Variants in FSD1L observed in about 807,000 individuals in gnomAD.
The protein encoded by FSD1L is fibronectin type III and SPRY domain containing 1 like.
In FSD1L, 45 loss-of-function variants were observed where a neutral mutation model predicts 71.6. That is an observed-to-expected ratio of 0.63 (90% CI 0.49 to 0.81). FSD1L has a LOEUF of 0.81. Among genes scored for constraint, FSD1L ranks in the 30% least tolerant of loss-of-function variants. The pLI is 0.00. For synonymous variants in FSD1L, 197 were observed against 207.2 expected, an observed-to-expected ratio of 0.95 and a Z score of 0.42; for missense variants, 561 against 618.1, an observed-to-expected ratio of 0.91 and a Z score of 0.98.
At chr9:105,543,098 TATC>T (rs1836735360) in intron 13 of FSD1L, among the ~76,000 whole-genome samples, 1 of 152,176 alleles carries the variant, frequency 6.6e-6, no homozygotes, top group South Asian at 2.1e-4. Flanking sequence ...TTTTGGGAGT[TATC>T]ATTACTGAGC....
chr9:105,518,235 A>C (rs892220310), intron 10 of FSD1L, among the ~76,000 whole-genome samples: 2 of 152,206 alleles, frequency 1.3e-5, no homozygotes, highest in African/African-American at 4.8e-5. Context: ...TCCCACTGTC[A>C]ATATTAGACA....
chr9:105,508,534 AATGCCTGAAGGCTCATACTCTTACT>A, intron 8 of FSD1L, 58 bp from the exon 9 acceptor site: 1 of 764,118 alleles, frequency 1.3e-6, no homozygotes, highest in South Asian at 1.5e-5. Context: ...CACGGTTCTT[AATGCCTGAAGGCTCATACTCTTACT>A]TTTGGGAATA....
At chr9:105,519,205 A>G (rs1486843128) in intron 10 of FSD1L, among the ~76,000 whole-genome samples, 1 of 152,198 alleles carries the variant, frequency 6.6e-6, no homozygotes, top group Non-Finnish European at 1.5e-5. Context: ...ACAGACTCAC[A>G]GCCAAATTCT....
In FSD1L at chr9:105,530,417, A is replaced by T. The variant is rs1032069463; in HGVS notation, c.1026-4076A>T. 2.6e-4 allele frequency: 128 copies of T among 501,812 alleles called. No homozygotes were observed. The East Asian group carries it at 4.2e-3, about 16-fold the overall frequency. 31.1% of individuals were successfully genotyped at this position (501,812 alleles called of 1,614,324 possible). A position where few individuals can be genotyped will look rare whatever the true frequency, so the allele number is the denominator to read the frequency against. On this transcript the variant is annotated intron_variant, in intron 10 of 13. Transcript: ENST00000481272. The stretch of plus-strand genomic sequence containing the variant: ...TGCAATGGAAGAGTTTTCCTTACTT[A>T]ACTTTTCTCTGAAATTAAACTGCCA...
intron 10 of FSD1L, chr9:105,521,815 G>A (rs1835181636): frequency 1.5e-5 from 24 of 1,612,438 alleles, no homozygotes; most frequent in South Asian, 3.3e-5. Flanking sequence ...CAAAACATAC[G>A]AGCTGGTACC....
In FSD1L at chr9:105,448,379, C is replaced by T; in HGVS notation, c.15+144C>T. 9.8e-6 allele frequency: 7 copies of T among 717,136 alleles called. No individual in the cohort carries two copies. The South Asian group carries it at 1.8e-4, about 18-fold the overall frequency. 44.4% of individuals were successfully genotyped at this position (717,136 alleles called of 1,614,324 possible). A position where few individuals can be genotyped will look rare whatever the true frequency, so the allele number is the denominator to read the frequency against. On this transcript the variant is annotated intron_variant, in intron 1 of 13. Transcript: ENST00000481272. ...TGCTGCTGCGGAGGGCAAGGCCGCC[C>T]GGCCGCTCTCTGGGCGGGAGCTAAG... is the stretch of plus-strand genomic sequence containing the variant.
chr9:105,523,378 C>G (rs1486322645), intron 10 of FSD1L: 1 of 1,605,022 alleles, frequency 6.2e-7, no homozygotes, highest in Non-Finnish European at 8.5e-7. Flanking sequence ...GAATTTCCAT[C>G]AGAATGTTGT....
At position 105,548,207 on chromosome 9, in the gene FSD1L, T is replaced by C. The variant is rs1429760546; in HGVS notation, c.*1724T>C. ...TTTGATTCTCCAAAGAAATATAATT[T>C]TGGTTTTTGTTCCTCAGAGAGAGTT... On this transcript the variant is annotated 3_prime_UTR_variant, in exon 14 of 14. Transcript: ENST00000481272. The C allele has an allele frequency of 1.3e-5, 2 of 152,060 alleles. No individual in the cohort carries two copies. The highest frequency in any genetic ancestry group is 1.3e-4 in the Admixed American group (2 of 15,244). 9.4% of individuals were successfully genotyped at this position (152,060 alleles called of 1,614,324 possible). A position where few individuals can be genotyped will look rare whatever the true frequency, so the allele number is the denominator to read the frequency against.
At chr9:105,449,139 C>A (rs1361980990) in intron 1 of FSD1L, among the ~76,000 whole-genome samples, 2 of 152,128 alleles carry the variant, frequency 1.3e-5, no homozygotes, top group Admixed American at 6.5e-5. Flanking sequence ...AGAGACTATT[C>A]TTTTCTATTA....
intron 6 of FSD1L, among the ~76,000 whole-genome samples, chr9:105,481,180 G>GTGTGTGTGTGT (rs1564098382): frequency 9.8e-5 from 3 of 30,768 alleles, no homozygotes; most frequent in African/African-American, 5.2e-4. Flanking sequence ...TGTGTGTGTG[G>GTGTGTGTGTGT]TTCTTTTTTT....
intron 7 of FSD1L, among the ~76,000 whole-genome samples, chr9:105,485,533 GTTTTTTTTTTTTT>G (rs34268568): frequency 1.3e-5 from 1 of 79,406 alleles, no homozygotes; most frequent in Non-Finnish European, 2.3e-5. Context: ...TTGGTTAGGT[GTTTTTTTTTTTTT>G]TTTTTTTTTT....
In FSD1L at chr9:105,466,195, C is replaced by T. The variant is rs188601680; in HGVS notation, c.207+1864C>T. 2.5e-3 allele frequency among the ~76,000 whole-genome samples: 377 copies of T among 152,206 alleles called. 3 individuals carry two copies. The highest frequency in any genetic ancestry group is 8.3e-3 in the African/African-American group (346 of 41,534). On this transcript the variant is annotated intron_variant, in intron 3 of 13. Transcript: ENST00000481272. ...AAATTTACCTAAGGAAATGAAAGAT[C>T]TGTATACTGAAAGCTATAAAACACT...
intron 7 of FSD1L, among the ~76,000 whole-genome samples, 169 bp from the exon 8 acceptor site, chr9:105,506,230 A>G (rs377184664): frequency 1.8e-3 from 280 of 152,328 alleles, no homozygotes; most frequent in Non-Finnish European, 3.3e-3. Context: ...CTTTGAAAAT[A>G]GTTATTTTAC....
chr9:105,515,864 G>C (rs1834687481), intron 10 of FSD1L, among the ~76,000 whole-genome samples: 1 of 152,022 alleles, frequency 6.6e-6, no homozygotes, highest in Non-Finnish European at 1.5e-5. Context: ...TTTGGAAAGG[G>C]ATGCTGAAAC....
chr9:105,468,115 C>G (rs936756842), intron 3 of FSD1L, 78 bp from the exon 4 acceptor site: 279 of 938,552 alleles, frequency 3.0e-4, no homozygotes, highest in Non-Finnish European at 3.9e-4. Flanking sequence ...AATTTATTCT[C>G]TCTTTTGGGC....
intron 7 of FSD1L, among the ~76,000 whole-genome samples, chr9:105,501,874 T>C (rs977961303): frequency 1.3e-5 from 2 of 152,216 alleles, no homozygotes; most frequent in African/African-American, 4.8e-5. Flanking sequence ...AGATTCTGCC[T>C]TTAGGTTCCT....
intron 1 of FSD1L, among the ~76,000 whole-genome samples, chr9:105,452,649 GCCTGCCTGCCTGCCTGCCTGCCTT>G (rs1170022080): frequency 5.4e-5 from 7 of 129,806 alleles, no homozygotes; most frequent in East Asian, 2.2e-4. Context: ...CTGCCTGCCT[GCCTGCCTGCCTGCCTGCCTGCCTT>G]CCTTCCTTCC....
chr9:105,508,546 C>A, intron 8 of FSD1L, 71 bp from the exon 9 acceptor site: 3 of 847,582 alleles, frequency 3.5e-6, no homozygotes, highest in Non-Finnish European at 5.8e-6. Context: ...TGCCTGAAGG[C>A]TCATACTCTT....
In FSD1L at chr9:105,460,541, G is replaced by A. The variant is rs374264747; in HGVS notation, c.16-979G>A. On this transcript the variant is annotated intron_variant, in intron 1 of 13. Transcript: ENST00000481272. Reference sequence around the variant, plus strand: ...CAGGAGGCAGAGGTTGCAGTGAGCCGAGATTGCACCACTGCACTCTAGCCT... The same window carrying A: ...CAGGAGGCAGAGGTTGCAGTGAGCCAAGATTGCACCACTGCACTCTAGCCT... Among the ~76,000 whole-genome samples the A allele has an allele frequency of 7.5e-5, 11 of 146,870 alleles. 1 individual carries two copies. Among genetic ancestry groups the A allele is most frequent in the African/African-American group, 2.3e-4 (9 of 39,738 alleles).
Sources: allele counts gnomAD v4.1 joint callset (sites outside exome capture counted in the v4.1 genomes callset), GRCh38; gene constraint gnomAD v4.1.1; transcripts MANE v1.5; gene names NCBI Gene and HGNC (gene_info 2026-07-23, HGNC 2026-07-21).